ERC2: variants seen among roughly 807,000 people sequenced by gnomAD.
ERC2 encodes ERC protein 2.
A neutral mutation model predicts 114.8 loss-of-function variants in ERC2; 42 were observed. The observed-to-expected ratio is 0.37, with a 90% CI of 0.29 to 0.47. ERC2 has a LOEUF of 0.47. Among genes scored for constraint, ERC2 ranks in the 20% least tolerant of loss-of-function variants. The pLI is 0.99. For missense variants in ERC2, 939 were observed against 1,150.7 expected (o/e 0.82, Z 2.66); for synonymous variants, 454 against 425.5 (o/e 1.07, Z -0.82).
intron 16 of ERC2, among the ~76,000 whole-genome samples, chr3:55,688,538 A>G (rs761223147): frequency 1.3e-5 from 2 of 152,214 alleles, no homozygotes; most frequent in Non-Finnish European, 2.9e-5. Context: ...GGTTCTGCTT[A>G]GCTCAGCTCT....
chr3:55,766,740 C>G (rs2067821522), intron 14 of ERC2: 1 of 152,260 alleles, frequency 6.6e-6, no homozygotes, highest in Non-Finnish European at 1.5e-5. Flanking sequence ...ACCAGGAACA[C>G]TGAGATGCAG....
chr3:56,295,801 G>A (rs1229765686), intron 3 of ERC2, among the ~76,000 whole-genome samples: 6 of 152,120 alleles, frequency 3.9e-5, no homozygotes, highest in African/African-American at 9.7e-5. Context: ...TGCTTGGATC[G>A]CGGATATGTG....
At chr3:56,434,175 C>G (rs2061916624) in intron 2 of ERC2, 176 bp downstream of exon 2, 6 of 601,754 alleles carry the variant, frequency 1.0e-5, no homozygotes. Flanking sequence ...AAATTACAAG[C>G]TGTAATGGTA....
intron 17 of ERC2, among the ~76,000 whole-genome samples, chr3:55,555,312 G>C (rs1163398286): frequency 6.6e-6 from 1 of 152,114 alleles, no homozygotes; most frequent in Non-Finnish European, 1.5e-5. Context: ...AACCCTATCG[G>C]CCCCAGCTTG....
chr3:55,897,660 C>T (rs1175733985), intron 13 of ERC2, among the ~76,000 whole-genome samples: 1 of 152,166 alleles, frequency 6.6e-6, no homozygotes, highest in East Asian at 1.9e-4. Flanking sequence ...CGCTTAAACC[C>T]CCCGTCAGCA....
intron 12 of ERC2, among the ~76,000 whole-genome samples, chr3:55,973,270 G>A (rs1359525050): frequency 6.6e-6 from 1 of 152,130 alleles, no homozygotes; most frequent in Non-Finnish European, 1.5e-5. Context: ...GGAATCTGTT[G>A]GATTAGTTAC....
intron 7 of ERC2, among the ~76,000 whole-genome samples, chr3:56,052,996 A>G (rs1263005987): frequency 6.6e-6 from 1 of 152,134 alleles, no homozygotes; most frequent in Admixed American, 6.5e-5. Flanking sequence ...GGAAAAAAGT[A>G]GGTAAGGGAA....
chr3:56,187,765 A>G (rs1441265849), intron 3 of ERC2, among the ~76,000 whole-genome samples: 1 of 152,210 alleles, frequency 6.6e-6, no homozygotes, highest in Non-Finnish European at 1.5e-5. Flanking sequence ...GCTGAGATAG[A>G]GAATGATGGG....
chr3:55,590,829 T>A (rs2057839515), intron 17 of ERC2, among the ~76,000 whole-genome samples: 1 of 152,154 alleles, frequency 6.6e-6, no homozygotes, highest in Non-Finnish European at 1.5e-5. Flanking sequence ...TATAGCTCTA[T>A]AACATTTTTT....
chr3:56,392,452 C>T (rs933211368), intron 2 of ERC2, among the ~76,000 whole-genome samples: 5 of 152,076 alleles, frequency 3.3e-5, no homozygotes, highest in Admixed American at 1.3e-4. Context: ...GGCATGTGCA[C>T]GGTGACTCAA....
chr3:55,734,162 C>G (rs1191875281), intron 15 of ERC2, among the ~76,000 whole-genome samples: 1 of 152,070 alleles, frequency 6.6e-6, no homozygotes, highest in Non-Finnish European at 1.5e-5. Context: ...AATACAGTGG[C>G]CTAGAGGGGT....
At chr3:55,612,673 C>T (rs528814133) in intron 17 of ERC2, 8 of 152,202 alleles carry the variant, frequency 5.3e-5, no homozygotes, top group Middle Eastern at 3.4e-3. Context: ...ATAAAGCAAT[C>T]CCTTAATTTT....
At chr3:56,202,731 A>C (rs2048478699) in intron 3 of ERC2, among the ~76,000 whole-genome samples, 1 of 152,184 alleles carries the variant, frequency 6.6e-6, no homozygotes, top group Admixed American at 6.5e-5. Context: ...TGGAACCTAA[A>C]GAAGTTAAAC....
chr3:56,269,579 T>G (rs1010532740), intron 3 of ERC2, among the ~76,000 whole-genome samples: 1 of 152,132 alleles, frequency 6.6e-6, no homozygotes, highest in African/African-American at 2.4e-5. Flanking sequence ...TAGGAGGAAC[T>G]AGGGGAAAAA....
intron 6 of ERC2, among the ~76,000 whole-genome samples, chr3:56,106,682 T>C (rs1167748616): frequency 5.3e-5 from 8 of 152,144 alleles, no homozygotes; most frequent in African/African-American, 1.9e-4. Context: ...AGACTAGCCA[T>C]GAGGGAGTAA....
intron 3 of ERC2, among the ~76,000 whole-genome samples, chr3:56,230,788 G>T (rs1457297778): frequency 6.6e-6 from 1 of 152,164 alleles, no homozygotes; most frequent in Non-Finnish European, 1.5e-5. Context: ...ACTCAAAATT[G>T]TGTCAAAAAA....
At chr3:56,052,583 CTG>C (rs1380781604) in intron 7 of ERC2, among the ~76,000 whole-genome samples, 3 of 152,170 alleles carry the variant, frequency 2.0e-5, no homozygotes, top group African/African-American at 7.2e-5. Context: ...TATTTAAATT[CTG>C]TGTGTGTTGG....
At chr3:56,407,759 A>G (rs1210979444) in intron 2 of ERC2, among the ~76,000 whole-genome samples, 1 of 152,190 alleles carries the variant, frequency 6.6e-6, no homozygotes, top group Non-Finnish European at 1.5e-5. Flanking sequence ...CAATTGAATC[A>G]GAATCTCTGA....
intron 3 of ERC2, among the ~76,000 whole-genome samples, chr3:56,187,641 C>A (rs1234834893): frequency 2.0e-5 from 3 of 152,154 alleles, no homozygotes; most frequent in Non-Finnish European, 4.4e-5. Context: ...CTGCTACCAC[C>A]ATGAGGCTTA....
Sources: allele counts gnomAD v4.1 joint callset (sites outside exome capture counted in the v4.1 genomes callset), GRCh38; gene constraint gnomAD v4.1.1; transcripts MANE v1.5; gene names NCBI Gene and HGNC (gene_info 2026-07-23, HGNC 2026-07-21).